Variants in HIF1AN observed in about 807,000 individuals in gnomAD.
The protein encoded by HIF1AN is hypoxia-inducible factor 1-alpha inhibitor.
HIF1AN carries 21 observed loss-of-function variants against 47.7 expected under a neutral mutation model. That is an observed-to-expected ratio of 0.44 (90% CI 0.31 to 0.63). The LOEUF is 0.63. Among genes scored for constraint, HIF1AN ranks in the 30% least tolerant of loss-of-function variants. HIF1AN has a pLI of 0.07. For synonymous variants in HIF1AN, 152 were observed against 155.9 expected (o/e 0.98, Z 0.18); for missense variants, 320 against 432.7 (o/e 0.74, Z 2.31).
Position 100,556,866 on chromosome 10 carries a change from CA to C in HIF1AN, c.*8730del, listed in dbSNP as rs1255194054. The C allele has an allele frequency of 7.2e-5, 11 of 152,166 alleles. No homozygotes were observed. Among genetic ancestry groups the C allele is most frequent in the Admixed American group, 7.2e-4 (11 of 15,286 alleles). 9.4% of individuals were successfully genotyped at this position (152,166 alleles called of 1,614,324 possible). A position where few individuals can be genotyped will look rare whatever the true frequency, so the allele number is the denominator to read the frequency against. On this transcript the variant is annotated 3_prime_UTR_variant, in exon 8 of 8. Coordinates refer to ENST00000299163, the MANE Select transcript of HIF1AN (RefSeq NM_017902.3). ...TTTTAAAACACCTGGCTCAAGCACT[CA>C]GGAAAATGTTTTATTATGAAGACCA...
At chr10:100,536,258 G>A (rs566719437) in intron 1 of HIF1AN, 123 bp downstream of exon 1, 217 of 1,288,154 alleles carry the variant, frequency 1.7e-4, no homozygotes, top group Admixed American at 8.0e-4. Flanking sequence ...GGAAGATGGA[G>A]AGAAAGGCGA....
Position 100,547,184 on chromosome 10 carries a change from T to G in HIF1AN, c.939T>G (p.His313Gln). The G allele has an allele frequency of 6.2e-7, 1 of 1,613,982 alleles. No homozygotes were observed. Among genetic ancestry groups the G allele is most frequent in the Non-Finnish European group, 8.5e-7 (1 of 1,179,930 alleles). ...PKRIEYPLKA[H>Q]QKVAIMRNIE... ...GAATTGAATATCCTCTCAAAGCTCA[T>G]CAGAAAGTGGCCATAATGAGAAACA... The change falls in exon 7 of 8, where the codon CAT becomes CAG. Residue 313 changes from histidine (H) to glutamine (Q), a missense_variant. Physicochemically the swap from His to Gln is conservative, Grantham distance 24 (BLOSUM62 0). Transcript: ENST00000299163.
chr10:100,538,710 A>G (rs760797606), intron 2 of HIF1AN, among the ~76,000 whole-genome samples: 1 of 151,568 alleles, frequency 6.6e-6, no homozygotes, highest in African/African-American at 2.4e-5. Context: ...AGTCTCAGCT[A>G]CTTGGGAGAC....
rs1310927514 is a variant in HIF1AN at position 100,548,997 on chromosome 10, G to C, written c.*860G>C. On this transcript the variant is annotated 3_prime_UTR_variant, in exon 8 of 8. Transcript: ENST00000299163. Reference sequence around the variant, plus strand: ...GGTGCAAGCCTCTGTGTGTTTGTTTGTGTGTGTCTGTGTGTGCGTATCCAC... The same window carrying C: ...GGTGCAAGCCTCTGTGTGTTTGTTTCTGTGTGTCTGTGTGTGCGTATCCAC... 1.3e-5 allele frequency: 2 copies of C among 152,504 alleles called. No individual in the cohort carries two copies. The highest frequency in any genetic ancestry group is 4.8e-5 in the African/African-American group (2 of 41,356). The allele number at this position is 152,504 out of a possible 1,614,324, so 9.4% of individuals were successfully genotyped here. A position where few individuals can be genotyped will look rare whatever the true frequency, so the allele number is the denominator to read the frequency against.
rs1422488018 is a variant in HIF1AN at position 100,552,280 on chromosome 10, T to G, written c.*4143T>G. ...GGGTTGGTGGTTCTCTCTTTCAGAA[T>G]GGGAACTTCCCAAAAATGGGGCTGC... is the stretch of plus-strand genomic sequence containing the variant. On this transcript the variant is annotated 3_prime_UTR_variant, in exon 8 of 8. Transcript: ENST00000299163. 6.6e-6 allele frequency: 1 copy of G among 152,258 alleles called. No individual in the cohort carries two copies. Among genetic ancestry groups the G allele is most frequent in the Non-Finnish European group, 1.5e-5 (1 of 68,046 alleles). 9.4% of individuals were successfully genotyped at this position (152,258 alleles called of 1,614,324 possible).
intron 5 of HIF1AN, 27 bp from the exon 6 acceptor site, chr10:100,546,491 A>G: frequency 6.3e-7 from 1 of 1,596,744 alleles, no homozygotes; most frequent in Non-Finnish European, 8.6e-7. Context: ...ATCAGTAGTA[A>G]ACAGGAGCCT....
rs1198190280 is a variant in HIF1AN at position 100,536,594 on chromosome 10, G to A, written c.361G>A (p.Glu121Lys). Reference sequence around the variant, plus strand: ...GAACTTTAAGCCGAGGTCCAACAGGGAAGAAATGAAATTTCATGAGTTCGT... The same window carrying A: ...GAACTTTAAGCCGAGGTCCAACAGGAAAGAAATGAAATTTCATGAGTTCGT... ...FQNFKPRSNR[E>K]EMKFHEFVEK... The change falls in exon 2 of 8, where the codon GAA becomes AAA. Residue 121 changes from glutamate (E) to lysine (K), a missense_variant. Physicochemically the swap from Glu to Lys is moderately conservative, Grantham distance 56. Around this residue, in one of 2 missense-constraint regions of HIF1AN, gnomAD observed 159 missense variants for 159.9 expected, o/e 0.99. Coordinates refer to ENST00000299163, the MANE Select transcript of HIF1AN (RefSeq NM_017902.3). 2.5e-6 allele frequency: 4 copies of A among 1,614,058 alleles called. No homozygotes were observed. Among genetic ancestry groups the A allele is most frequent in the Non-Finnish European group, 2.5e-6 (3 of 1,180,024 alleles).
intron 7 of HIF1AN, 50 bp from the exon 8 acceptor site, chr10:100,548,043 C>T: frequency 1.3e-6 from 2 of 1,578,202 alleles, no homozygotes; most frequent in Non-Finnish European, 1.7e-6. Flanking sequence ...TGTCCAATTC[C>T]AGGGCCAGGG....
rs1479627698 is a variant in HIF1AN, at chr10:100,548,084, T to C, written c.1006-9T>C. 2 of 1,613,956 alleles carry C rather than the reference T, an allele frequency of 1.2e-6. No individual in the cohort carries two copies. Among genetic ancestry groups the C allele is most frequent in the Non-Finnish European group, 8.5e-7 (1 of 1,179,922 alleles). ...CCAGTTCTGATTGGCTCCTCATGTT[T>C]CTTTACAGGTGGGGCCCTTGTTGAA... On this transcript the variant is annotated splice_polypyrimidine_tract_variant and intron_variant, in intron 7 of 7. Transcript: ENST00000299163.
At chr10:100,536,753 T>C (rs887238605) in intron 2 of HIF1AN, 92 bp downstream of exon 2, 2 of 1,401,468 alleles carry the variant, frequency 1.4e-6, no homozygotes, top group Non-Finnish European at 2.0e-6. Context: ...TTGGGTCAAT[T>C]AGAGATTGGC....
intron 5 of HIF1AN, 115 bp from the exon 6 acceptor site, chr10:100,546,403 C>A: frequency 1.3e-6 from 1 of 767,996 alleles, no homozygotes; most frequent in Non-Finnish European, 2.3e-6. Flanking sequence ...CACTATTTTC[C>A]GTAACTGGAC....
intron 3 of HIF1AN, among the ~76,000 whole-genome samples, chr10:100,542,130 C>CA (rs892151506): frequency 3.3e-3 from 442 of 133,318 alleles, no homozygotes; most frequent in African/African-American, 9.8e-3. Context: ...TTTTTATTGC[C>CA]AAAAAAAAAA....
In HIF1AN at chr10:100,548,100, C is replaced by G. The variant is rs1843111528; in HGVS notation, c.1013C>G (p.Pro338Arg). ...EALGNPQEVG[P>R]LLNTMIKGRY... is the part of the protein sequence containing the mutation. ...CCTCATGTTTCTTTACAGGTGGGGC[C>G]CTTGTTGAACACAATGATCAAGGGC... The change falls in exon 8 of 8, where the codon CCC becomes CGC. Residue 338 changes from proline (P) to arginine (R), a missense_variant. Pro to Arg is a moderately radical substitution (Grantham distance 103, BLOSUM62 -2). This residue lies in a region of HIF1AN where 161 missense variants were observed against 272.8 expected (regional missense o/e 0.59). Transcript: ENST00000299163. The G allele has an allele frequency of 6.2e-7, 1 of 1,613,294 alleles. No individual in the cohort carries two copies. The highest frequency in any genetic ancestry group is 8.5e-7 in the Non-Finnish European group (1 of 1,179,714).
intron 4 of HIF1AN, 110 bp from the exon 5 acceptor site, chr10:100,545,833 C>T (rs900798732): frequency 1.3e-5 from 9 of 712,902 alleles, no homozygotes; most frequent in Middle Eastern, 3.4e-4. Flanking sequence ...TTTAAGGCAT[C>T]GTTTTTTTTT....
At chr10:100,547,090 A>G (rs771818871) in intron 6 of HIF1AN, 50 bp from the exon 7 acceptor site, 6 of 1,320,832 alleles carry the variant, frequency 4.5e-6, no homozygotes, top group Non-Finnish European at 5.4e-6. Flanking sequence ...GTAGAGTGAC[A>G]CTGACGCCTG....
At position 100,556,624 on chromosome 10, in the gene HIF1AN, C is replaced by T. The variant is rs1290742428; in HGVS notation, c.*8487C>T. ...TTGATCATATTTGAACAAAACCCCA[C>T]CTACAGTCTGCATGGTCATTGTTCT... is the stretch of plus-strand genomic sequence containing the variant. On this transcript the variant is annotated 3_prime_UTR_variant, in exon 8 of 8. Coordinates refer to ENST00000299163, the MANE Select transcript of HIF1AN (RefSeq NM_017902.3). 2.0e-5 allele frequency: 3 copies of T among 152,212 alleles called. No homozygotes were observed. Among genetic ancestry groups the T allele is most frequent in the Non-Finnish European group, 4.4e-5 (3 of 68,048 alleles). 9.4% of individuals were successfully genotyped at this position (152,212 alleles called of 1,614,324 possible). A position where few individuals can be genotyped will look rare whatever the true frequency, so the allele number is the denominator to read the frequency against.
rs74923318 is a variant in HIF1AN, at chr10:100,554,394, C to G, written c.*6257C>G. 1 of 152,100 alleles carries G rather than the reference C, an allele frequency of 6.6e-6. No individual in the cohort carries two copies. The highest frequency in any genetic ancestry group is 2.1e-4 in the South Asian group (1 of 4,834). 9.4% of individuals were successfully genotyped at this position (152,100 alleles called of 1,614,324 possible). A position where few individuals can be genotyped will look rare whatever the true frequency, so the allele number is the denominator to read the frequency against. Reference sequence around the variant, plus strand: ...GCTCACACCTGTAATCCCAGCACTTCGGGAGGCTGAGGCAGGAGGATCACT... The same window carrying G: ...GCTCACACCTGTAATCCCAGCACTTGGGGAGGCTGAGGCAGGAGGATCACT... On this transcript the variant is annotated 3_prime_UTR_variant, in exon 8 of 8. Transcript: ENST00000299163.
intron 2 of HIF1AN, among the ~76,000 whole-genome samples, chr10:100,540,410 G>T (rs1317001763): frequency 6.6e-6 from 1 of 152,008 alleles, no homozygotes; most frequent in Non-Finnish European, 1.5e-5. Flanking sequence ...ACAAAACAAA[G>T]AAAAACCAGT....
At position 100,554,193 on chromosome 10, in the gene HIF1AN, C is replaced by T. The variant is rs1323525118; in HGVS notation, c.*6056C>T. On this transcript the variant is annotated 3_prime_UTR_variant, in exon 8 of 8. Transcript: ENST00000299163. ...GGTGAGAAGGTTTCAGGTCTGAGCT[C>T]CCCTTGCACTGTGTGAGAGGCCGTG... 1.3e-5 allele frequency: 2 copies of T among 152,168 alleles called. No individual in the cohort carries two copies. Among genetic ancestry groups the T allele is most frequent in the African/African-American group, 4.8e-5 (2 of 41,416 alleles). 9.4% of individuals were successfully genotyped at this position (152,168 alleles called of 1,614,324 possible). A position where few individuals can be genotyped will look rare whatever the true frequency, so the allele number is the denominator to read the frequency against.
Sources: allele counts gnomAD v4.1 joint callset (sites outside exome capture counted in the v4.1 genomes callset), GRCh38; gene constraint gnomAD v4.1.1; regional missense constraint gnomAD v4.1.1; transcripts MANE v1.5; gene names NCBI Gene and HGNC (gene_info 2026-07-23, HGNC 2026-07-21).